Variants in NBPF8 observed in about 807,000 individuals in gnomAD.
The protein encoded by NBPF8 is NBPF family member NBPF8.
chr1:120,452,191 A>T, exon 13 of NBPF8: 2 of 1,397,778 alleles, frequency 1.4e-6, no homozygotes, highest in Non-Finnish European at 2.0e-6. Flanking sequence ...GAAGGGAGAG[A>T]TGCCTCCCTC....
At chr1:120,450,046 G>A (rs1236183422) in intron 11 of NBPF8, among the ~76,000 whole-genome samples, 1 of 152,044 alleles carries the variant, frequency 6.6e-6, no homozygotes, top group Non-Finnish European at 1.5e-5. Flanking sequence ...GGGCAACATG[G>A]AGAAACCCCA....
upstream of NBPF8, among the ~76,000 whole-genome samples, chr1:120,434,577 G>C (rs28627014): frequency 6.6e-6 from 1 of 150,928 alleles, no homozygotes; most frequent in East Asian, 1.9e-4. Context: ...TCATTGTTCA[G>C]TTCCCACCCA....
At chr1:120,467,647 C>CTGT (rs1290351108) in exon 25 of NBPF8, 1 of 145,954 alleles carries the variant, frequency 6.9e-6, no homozygotes, top group Non-Finnish European at 1.5e-5. Context: ...CTAGTGTCTG[C>CTGT]TGTTGCAAAA....
upstream of NBPF8, chr1:120,433,662 G>A (rs1177069418): frequency 5.0e-6 from 1 of 198,894 alleles, no homozygotes; most frequent in Non-Finnish European, 1.1e-5. Flanking sequence ...TCAGTACTGG[G>A]AACGCTGAAG....
intron 17 of NBPF8, 38 bp from the exon 16 acceptor site, chr1:120,460,535 T>A: frequency 8.5e-7 from 1 of 1,172,774 alleles, no homozygotes; most frequent in South Asian, 1.2e-5. Context: ...AAGGAAGAAC[T>A]GCTTAATGTA....
chr1:120,418,506 T>C (rs1405929259), upstream of NBPF8, among the ~76,000 whole-genome samples: 2 of 150,812 alleles, frequency 1.3e-5, no homozygotes, highest in South Asian at 2.1e-4. Context: ...CGTGATATGA[T>C]GTAAACAATA....
intron 1 of NBPF8, among the ~76,000 whole-genome samples, chr1:120,422,541 A>G (rs1387718684): frequency 8.6e-6 from 1 of 116,264 alleles, no homozygotes; most frequent in Non-Finnish European, 1.8e-5. Flanking sequence ...AAGTTCCTCC[A>G]CGTCTTTTCA....
intron 1 of NBPF8, among the ~76,000 whole-genome samples, chr1:120,421,432 C>T (rs1345530915): frequency 6.7e-6 from 1 of 149,886 alleles, no homozygotes; most frequent in African/African-American, 2.5e-5. Context: ...CTTTCCCTCC[C>T]TCCTTCCCTT....
Position 120,454,215 on chromosome 1 carries a change from T to A in NBPF8, n.2568+101T>A, listed in dbSNP as rs1661369125. ...ACACAAATTCATTTGAATAAAAAACTGTGATGGGTTTCTAAACAGATATCA... is the reference window on the plus strand; with the variant it reads ...ACACAAATTCATTTGAATAAAAAACAGTGATGGGTTTCTAAACAGATATCA... On this transcript the variant is annotated intron_variant and non_coding_transcript_variant, in intron 15 of 24. Coordinates refer to ENST00000583271, the Ensembl canonical transcript of NBPF8. 4.0e-6 allele frequency: 6 copies of A among 1,498,418 alleles called. No individual in the cohort carries two copies. The South Asian group carries it at 7.0e-5, about 18-fold the overall frequency. The allele number at this position is 1,498,418 out of a possible 1,614,324, so 92.8% of individuals were successfully genotyped here.
upstream of NBPF8, among the ~76,000 whole-genome samples, chr1:120,415,973 C>T (rs1553245136): frequency 3.9e-5 from 6 of 152,284 alleles, no homozygotes; most frequent in African/African-American, 1.4e-4. Context: ...TGCTTTCCTC[C>T]TATCTTTTGC....
At chr1:120,454,261 C>T (rs1426372018) in intron 15 of NBPF8, 147 bp downstream of exon 13, 122 of 1,529,916 alleles carry the variant, frequency 8.0e-5, no homozygotes, top group Admixed American at 2.2e-4. Context: ...TTGTCCTTCA[C>T]AGCTAATGTC....
chr1:120,460,728 A>T (rs1292070016), intron 18 of NBPF8, 104 bp downstream of exon 16: 14 of 971,264 alleles, frequency 1.4e-5, no homozygotes, highest in Non-Finnish European at 2.1e-5. Flanking sequence ...GTCTTGTCAG[A>T]CAAGTCTGAA....
upstream of NBPF8, chr1:120,433,370 A>G (rs1272839180): frequency 3.3e-5 from 5 of 152,800 alleles, no homozygotes; most frequent in African/African-American, 1.2e-4. Flanking sequence ...AAGAATACAG[A>G]CTCAAACAAT....
intron 1 of NBPF8, among the ~76,000 whole-genome samples, chr1:120,425,290 C>T (rs1228039090): frequency 2.0e-5 from 3 of 151,982 alleles, no homozygotes; most frequent in South Asian, 4.2e-4. Flanking sequence ...CGGTGTAAAG[C>T]CCGATTGTAT....
At chr1:120,424,607 C>G (rs1280565834) in intron 1 of NBPF8, among the ~76,000 whole-genome samples, 1 of 152,030 alleles carries the variant, frequency 6.6e-6, no homozygotes, top group African/African-American at 2.4e-5. Flanking sequence ...GCCACCACAC[C>G]TGGCTAATGT....
At chr1:120,461,892 AT>A (rs1160855421) in intron 19 of NBPF8, among the ~76,000 whole-genome samples, 2 of 104,106 alleles carry the variant, frequency 1.9e-5, no homozygotes, top group Admixed American at 1.1e-4. Context: ...TGGCATAACC[AT>A]TTGCACAAAC....
At chr1:120,452,595 G>A (rs1661312841) in intron 13 of NBPF8, among the ~76,000 whole-genome samples, 1 of 152,238 alleles carries the variant, frequency 6.6e-6, no homozygotes, top group South Asian at 2.1e-4. Context: ...TTAAAGGACA[G>A]GAAGGAGGCT....
chr1:120,452,044 G>C, intron 12 of NBPF8, 73 bp from the exon 11 acceptor site: 1 of 1,425,000 alleles, frequency 7.0e-7, no homozygotes. Flanking sequence ...TGTCTCAGAA[G>C]TCTCTGTTGC....
intron 15 of NBPF8, among the ~76,000 whole-genome samples, chr1:120,455,100 A>T (rs1348108738): frequency 6.7e-6 from 1 of 149,706 alleles, no homozygotes; most frequent in Non-Finnish European, 1.5e-5. Flanking sequence ...TCGCAGCAAC[A>T]CTCTTAGAAA....
Sources: allele counts gnomAD v4.1 joint callset (sites outside exome capture counted in the v4.1 genomes callset), GRCh38; gene constraint gnomAD v4.1.1; transcripts MANE v1.5; gene names NCBI Gene and HGNC (gene_info 2026-07-23, HGNC 2026-07-21).